Variants in ACTL6A observed in about 807,000 individuals in gnomAD.
ACTL6A encodes actin like 6A.
A neutral mutation model predicts 59.2 loss-of-function variants in ACTL6A; 5 were observed. The ratio of observed to expected loss-of-function variants is 0.08; its 90% confidence interval spans 0.04 to 0.18. The LOEUF (loss-of-function observed/expected upper bound fraction) is 0.18. ACTL6A is among the 10% of genes least tolerant of loss of function. The probability of loss-of-function intolerance (pLI) is 1.00; values close to 1 mark genes in which losing one functional copy is unlikely to be tolerated. For missense variants in ACTL6A, 285 were observed against 526.9 expected (o/e 0.54, Z 4.49); for synonymous variants, 154 against 171.8 (o/e 0.90, Z 0.81).
At chr3:179,587,268 G>A (rs946279088) in intron 13 of ACTL6A, among the ~76,000 whole-genome samples, 3 of 151,858 alleles carry the variant, frequency 2.0e-5, no homozygotes. Context: ...TAAAGGGGGA[G>A]GATGCCCTTT....
At chr3:179,576,123 A>T (rs1215064904) in intron 5 of ACTL6A, 94 bp from the exon 6 acceptor site, 1 of 860,854 alleles carries the variant, frequency 1.2e-6, no homozygotes, top group Non-Finnish European at 1.9e-6. Flanking sequence ...CATGTTTAAG[A>T]AATAGTTTCT....
chr3:179,586,726 G>C (rs61086485), intron 13 of ACTL6A, 94 bp downstream of exon 13: 8 of 1,055,708 alleles, frequency 7.6e-6, no homozygotes, highest in Non-Finnish European at 1.1e-5. Context: ...TCATTTGTCT[G>C]TGCATTTTAT....
intron 3 of ACTL6A, among the ~76,000 whole-genome samples, chr3:179,573,063 G>A (rs1205367538): frequency 1.4e-5 from 2 of 146,550 alleles, no homozygotes; most frequent in East Asian, 4.0e-4. Flanking sequence ...TTATCATTCT[G>A]ATCACATTCT....
intron 12 of ACTL6A, 35 bp from the exon 13 acceptor site, chr3:179,586,511 A>T: frequency 7.6e-7 from 1 of 1,314,944 alleles, no homozygotes; most frequent in Non-Finnish European, 1.0e-6. Flanking sequence ...GAGTCACAAG[A>T]TTTGATTGTA....
chr3:179,576,969 A>T (rs577935321), intron 8 of ACTL6A, 56 bp downstream of exon 8: 19 of 1,432,740 alleles, frequency 1.3e-5, no homozygotes, highest in Admixed American at 1.0e-4. Flanking sequence ...CATGAGTATT[A>T]AAAAAAGTTA....
Position 179,576,948 on chromosome 3 carries a change from C to T in ACTL6A, c.768+35C>T, listed in dbSNP as rs137875597. 5.1e-4 allele frequency: 793 copies of T among 1,562,086 alleles called. 3 individuals are homozygous for T. The East Asian group carries it at 0.015, about 30-fold the overall frequency. On this transcript the variant is annotated intron_variant, in intron 8 of 13. Coordinates refer to ENST00000429709, the MANE Select transcript of ACTL6A (RefSeq NM_004301.5). The stretch of plus-strand genomic sequence containing the variant: ...CCTCATTCTCTTTACAAAAATGTTA[C>T]AGGCTTTTTGCATGAGTATTAAAAA...
chr3:179,577,656 A>G (rs558286966), intron 8 of ACTL6A, among the ~76,000 whole-genome samples: 91 of 152,092 alleles, frequency 6.0e-4, no homozygotes, highest in African/African-American at 1.9e-3. Flanking sequence ...GGGAGGTCCA[A>G]CTGTCTGTTG....
At position 179,576,706 on chromosome 3, in the gene ACTL6A, C is replaced by T. The variant is rs1425781117; in HGVS notation, c.658C>T (p.Pro220Ser). The T allele has an allele frequency of 6.2e-7, 1 of 1,613,336 alleles. No homozygotes were observed. Among genetic ancestry groups the T allele is most frequent in the Non-Finnish European group, 8.5e-7 (1 of 1,179,344 alleles). Residue 220 changes from proline (P) to serine (S), a missense_variant, in exon 7 of 14, where the codon CCA becomes TCA. Coordinates refer to ENST00000429709, the MANE Select transcript of ACTL6A (RefSeq NM_004301.5). ...AGAAATGAATATTGAATTGGTTCCT[C>T]CATATATGATTGCATCAAAAGTAAG... The part of the protein sequence containing the change: ...FQEMNIELVP[P>S]YMIASKEAVR...
chr3:179,563,871 G>A (rs1202095009), intron 1 of ACTL6A, among the ~76,000 whole-genome samples: 1 of 152,166 alleles, frequency 6.6e-6, no homozygotes, highest in Non-Finnish European at 1.5e-5. Context: ...AAGATTACCA[G>A]GTGCCGGGGG....
chr3:179,586,232 A>G (rs904307400), intron 12 of ACTL6A, among the ~76,000 whole-genome samples: 13 of 152,202 alleles, frequency 8.5e-5, no homozygotes, highest in Admixed American at 5.2e-4. Context: ...AAAAGTCTGT[A>G]CATTAGTCTA....
rs963951671 is a variant in ACTL6A at position 179,584,968 on chromosome 3, A to G, written c.1122+1520A>G. Among the ~76,000 whole-genome samples, 9 of 152,328 alleles carry G rather than the reference A, an allele frequency of 5.9e-5. 1 individual carries two copies. The highest frequency in any genetic ancestry group is 5.8e-4 in the East Asian group (3 of 5,184). On this transcript the variant is annotated intron_variant, in intron 12 of 13. Coordinates refer to ENST00000429709, the MANE Select transcript of ACTL6A (RefSeq NM_004301.5). ...AATGTTTTACGTGTGCCACATTTCT[A>G]TTATTAAAAGTGATATCTAAATATA... is the stretch of plus-strand genomic sequence containing the variant.
chr3:179,585,062 A>T (rs752923886), intron 12 of ACTL6A, among the ~76,000 whole-genome samples: 10 of 152,180 alleles, frequency 6.6e-5, no homozygotes, highest in Non-Finnish European at 1.3e-4. Context: ...CCTGAATTAT[A>T]ATACTAATCA....
Position 179,570,042 on chromosome 3 carries a change from T to C in ACTL6A, c.103-25T>C, listed in dbSNP as rs758802918. On this transcript the variant is annotated intron_variant, in intron 2 of 13. Transcript: ENST00000429709. This position sits in a 1 kb window ranked among gnomAD's most constrained non-coding sequence, Gnocchi z 4.3. ...CCTTCTTGATGAAAGGTGAAACTTG[T>C]ATGTCATGTTTCTGACTCTTACAGG... 3 of 1,605,562 alleles carry C rather than the reference T, an allele frequency of 1.9e-6. No individual in the cohort carries two copies. The highest frequency in any genetic ancestry group is 1.1e-5 in the South Asian group (1 of 89,804).
chr3:179,573,634 A>G lies in ACTL6A; in HGVS notation c.378+165A>G, dbSNP rs575922646. Among the ~76,000 whole-genome samples the G allele has an allele frequency of 6.6e-5, 10 of 151,632 alleles. No individual in the cohort carries two copies. In the South Asian group the frequency reaches 8.3e-4, roughly 13 times the overall value. ...GGAAAAGGATTAATTTTTTAACACT[A>G]TTATAACTTTTATTTTACTATTCCA... On this transcript the variant is annotated intron_variant, in intron 4 of 13. Coordinates refer to ENST00000429709, the MANE Select transcript of ACTL6A (RefSeq NM_004301.5).
rs11353729 is a variant in ACTL6A, at chr3:179,584,611, C to CA, written c.1122+1178dup. Among the ~76,000 whole-genome samples, 107 of 138,718 alleles carry CA rather than the reference C, an allele frequency of 7.7e-4. 2 individuals carry two copies. Among genetic ancestry groups the CA allele is most frequent in the African/African-American group, 1.7e-3 (65 of 37,334 alleles). The allele number at this position is 138,718 out of a possible 152,430, so 91.0% of individuals were successfully genotyped here. A position where few individuals can be genotyped will look rare whatever the true frequency, so the allele number is the denominator to read the frequency against. On this transcript the variant is annotated intron_variant, in intron 12 of 13. Transcript: ENST00000429709. ...ATTCCAACAGAGCAAGACTCCATCTCAAAAAAAAAAAAAAATAACAAAAAT... is the reference window on the plus strand; with the variant it reads ...ATTCCAACAGAGCAAGACTCCATCTCAAAAAAAAAAAAAAAATAACAAAAAT...
chr3:179,583,329 AT>A (rs765794553), intron 11 of ACTL6A, 23 bp from the exon 12 acceptor site: 20 of 1,566,226 alleles, frequency 1.3e-5, no homozygotes, highest in Non-Finnish European at 1.8e-5. Context: ...GAACTAATTG[AT>A]TTTTCTTGTA....
At chr3:179,572,643 A>C (rs1718044212) in intron 3 of ACTL6A, among the ~76,000 whole-genome samples, 1 of 152,086 alleles carries the variant, frequency 6.6e-6, no homozygotes, top group South Asian at 2.1e-4. Context: ...TGTCTCTACT[A>C]AAAATGCAAA....
At chr3:179,584,077 C>G (rs1052598353) in intron 12 of ACTL6A, among the ~76,000 whole-genome samples, 10 of 152,184 alleles carry the variant, frequency 6.6e-5, no homozygotes, top group Non-Finnish European at 1.5e-4. Flanking sequence ...TGGCTTCAAA[C>G]AACAGAAATT....
At chr3:179,573,287 A>G in intron 3 of ACTL6A, 82 bp from the exon 4 acceptor site, 1 of 880,472 alleles carries the variant, frequency 1.1e-6, no homozygotes, top group South Asian at 1.8e-5. Context: ...TTAATTGTTA[A>G]GTCATAGAAA....
Sources: gnomAD v4.1 joint callset for allele counts (sites outside exome capture counted in the v4.1 genomes callset) on GRCh38, gnomAD v4.1.1 for gene constraint, Gnocchi (gnomAD v3.1) non-coding constraint, MANE v1.5 for transcripts, NCBI Gene and HGNC (gene_info 2026-07-23, HGNC 2026-07-21) for gene names.